The following CAMK2A variants were observed in gnomAD, a reference collection of about 807,000 sequenced individuals.
CAMK2A encodes the protein calcium/calmodulin-dependent protein kinase type II subunit alpha.
A neutral mutation model predicts 79.2 loss-of-function variants in CAMK2A; 7 were observed. The ratio of observed to expected loss-of-function variants is 0.09; its 90% CI spans 0.05 to 0.17. The LOEUF (loss-of-function observed/expected upper bound fraction) is 0.17. Among genes scored for constraint, CAMK2A ranks in the 10% least tolerant of loss-of-function variants. CAMK2A has a pLI of 1.00. For missense variants in CAMK2A, 214 were observed against 646.4 expected (o/e 0.33, Z 7.25); for synonymous variants, 242 against 251.7 (o/e 0.96, Z 0.36).
At chr5:150,247,862 G>C (rs1282646213) in intron 11 of CAMK2A, 48 bp from the exon 12 acceptor site, 1 of 1,516,164 alleles carries the variant, frequency 6.6e-7, no homozygotes, top group South Asian at 1.1e-5. Flanking sequence ...CGGAGTGAAG[G>C]GACCCAGGAG....
rs75000324 is a variant in CAMK2A at position 150,222,658 on chromosome 5, G to A, written c.*52C>T. On this transcript the variant is annotated 3_prime_UTR_variant, in exon 19 of 19. Transcript: ENST00000671881. ...GGGAGAACCAGCAGCTCCACTCCAC[G>A]GACAGAGTGGATCTCTGCGGCACAG... 20,766 of 1,587,014 alleles carry A rather than the reference G, an allele frequency of 0.013. 1,562 individuals are homozygous for A. The African/African-American group carries it at 0.19, about 15-fold the overall frequency.
chr5:150,276,562 C>T (rs1756954473), intron 1 of CAMK2A, among the ~76,000 whole-genome samples: 1 of 152,146 alleles, frequency 6.6e-6, no homozygotes, highest in Admixed American at 6.5e-5. Flanking sequence ...ACCCCAAAGA[C>T]CTTTAGGTCC....
chr5:150,246,836 C>G (rs1580917320), intron 12 of CAMK2A, among the ~76,000 whole-genome samples: 1 of 152,366 alleles, frequency 6.6e-6, no homozygotes, highest in East Asian at 1.9e-4. Flanking sequence ...CAGCTGCCCC[C>G]TTCTCAGAGC....
chr5:150,262,586 A>G (rs915019510), intron 3 of CAMK2A, among the ~76,000 whole-genome samples: 4 of 152,118 alleles, frequency 2.6e-5, no homozygotes, highest in African/African-American at 9.7e-5. Flanking sequence ...AGACCTTGGC[A>G]TGGGGTGGGT....
At chr5:150,244,856 C>T (rs1293585207) in intron 13 of CAMK2A, among the ~76,000 whole-genome samples, 1 of 152,174 alleles carries the variant, frequency 6.6e-6, no homozygotes, top group Non-Finnish European at 1.5e-5. Flanking sequence ...TCTCCAGCCT[C>T]GGAGAACCAC....
rs1204108644 is a variant in CAMK2A, at chr5:150,223,642, G to A, written c.1238-425C>T. ...AAATGACAACTGACCCTTTGCCTCT[G>A]GGTCAGGGAGGCGATAGGGAGTGAT... On this transcript the variant is annotated intron_variant, in intron 17 of 18. Coordinates refer to ENST00000671881, the MANE Select transcript of CAMK2A (RefSeq NM_015981.4). The surrounding 1 kb of genome is among the most constrained non-coding windows in gnomAD (Gnocchi z 4.1). 6.6e-6 allele frequency among the ~76,000 whole-genome samples: 1 copy of A among 152,152 alleles called. No individual in the cohort carries two copies. Among genetic ancestry groups the A allele is most frequent in the East Asian group, 1.9e-4 (1 of 5,192 alleles).
rs1755684481 is a variant in CAMK2A, at chr5:150,248,541, T to C, written c.901-727A>G. ...TGATGTTCCCCTTCCTGTGTCCAAGTGTTCTCATTGTTCAATTCCCATCCA... is the reference window on the plus strand; with the variant it reads ...TGATGTTCCCCTTCCTGTGTCCAAGCGTTCTCATTGTTCAATTCCCATCCA... On this transcript the variant is annotated intron_variant, in intron 11 of 18. Transcript: ENST00000671881. Among the ~76,000 whole-genome samples the C allele has an allele frequency of 3.0e-5, 4 of 134,934 alleles. No individual in the cohort carries two copies. The Admixed American group carries it at 3.4e-4, about 12-fold the overall frequency. The allele number at this position is 134,934 out of a possible 152,430, so 88.5% of individuals were successfully genotyped here.
At chr5:150,271,945 CAGG>C (rs1168945692) in intron 2 of CAMK2A, among the ~76,000 whole-genome samples, 14 of 152,300 alleles carry the variant, frequency 9.2e-5, no homozygotes, top group African/African-American at 3.1e-4. Context: ...GTCGCTGGCC[CAGG>C]ACCACTTCTA....
intron 1 of CAMK2A, among the ~76,000 whole-genome samples, chr5:150,287,564 A>G (rs189673657): frequency 6.6e-6 from 1 of 152,054 alleles, no homozygotes; most frequent in Non-Finnish European, 1.5e-5. Context: ...AATGATATCC[A>G]TCTCCTCTTG....
At chr5:150,239,834 C>T (rs1755260218) in intron 13 of CAMK2A, 98 bp from the exon 14 acceptor site, 1 of 1,015,518 alleles carries the variant, frequency 9.8e-7, no homozygotes, top group Admixed American at 1.7e-5. Context: ...GGAGGATGGG[C>T]CTCGGGGTCA....
In CAMK2A at chr5:150,257,913, A is replaced by G. The variant is rs534523208; in HGVS notation, c.218-296T>C. ...CCCTGTTTGGTTGCTGGGCAGGCCC[A>G]AGTCATGGAAAGCCTGTGACTCCAA... is the stretch of plus-strand genomic sequence containing the variant. On this transcript the variant is annotated intron_variant, in intron 3 of 18. Coordinates refer to ENST00000671881, the MANE Select transcript of CAMK2A (RefSeq NM_015981.4). 1.8e-4 allele frequency among the ~76,000 whole-genome samples: 27 copies of G among 152,350 alleles called. No homozygotes were observed. The South Asian group carries it at 4.4e-3, about 25-fold the overall frequency.
At chr5:150,239,626 T>C in intron 14 of CAMK2A, 78 bp downstream of exon 14, 1 of 1,392,594 alleles carries the variant, frequency 7.2e-7, no homozygotes, top group Non-Finnish European at 1.0e-6. Flanking sequence ...AGGTTCCCAG[T>C]GCAGCCTGCA....
chr5:150,227,295 CAG>C (rs1290702247), intron 17 of CAMK2A, among the ~76,000 whole-genome samples: 5 of 152,274 alleles, frequency 3.3e-5, no homozygotes, highest in Non-Finnish European at 4.4e-5. Context: ...TAGCACCCAG[CAG>C]AGTCTTTCCC....
chr5:150,257,338 AC>A (rs1756101818), intron 4 of CAMK2A, among the ~76,000 whole-genome samples: 1 of 152,246 alleles, frequency 6.6e-6, no homozygotes, highest in Non-Finnish European at 1.5e-5. Flanking sequence ...AACCAGCATC[AC>A]TGGCCACAAA....
At chr5:150,263,462 TCACACACTC>T (rs1756379226) in intron 3 of CAMK2A, among the ~76,000 whole-genome samples, 1 of 149,724 alleles carries the variant, frequency 6.7e-6, no homozygotes, top group Non-Finnish European at 1.5e-5. Context: ...ACACGTGCAT[TCACACACTC>T]CACACACTCT....
chr5:150,262,285 C>A (rs1756333491), intron 3 of CAMK2A, among the ~76,000 whole-genome samples: 2 of 152,206 alleles, frequency 1.3e-5, no homozygotes, highest in Non-Finnish European at 2.9e-5. Flanking sequence ...GCAGGCTGAA[C>A]AGGACTCAGT....
chr5:150,269,010 C>G (rs528474880), intron 2 of CAMK2A, among the ~76,000 whole-genome samples: 2 of 152,098 alleles, frequency 1.3e-5, no homozygotes, highest in East Asian at 3.9e-4. Flanking sequence ...AAGTGATCCT[C>G]CCACCTCCGC....
chr5:150,268,155 G>A (rs139030623), intron 2 of CAMK2A, among the ~76,000 whole-genome samples: 4 of 152,044 alleles, frequency 2.6e-5, no homozygotes, highest in Admixed American at 6.6e-5. Context: ...TGGGATTACC[G>A]TGCCCGGACC....
intron 2 of CAMK2A, among the ~76,000 whole-genome samples, chr5:150,270,228 G>A (rs1341528468): frequency 6.6e-6 from 1 of 152,158 alleles, no homozygotes; most frequent in Non-Finnish European, 1.5e-5. Flanking sequence ...AGGGGCTTGG[G>A]CCCCACCTAC....
Sources: allele counts gnomAD v4.1 joint callset (sites outside exome capture counted in the v4.1 genomes callset), GRCh38; gene constraint gnomAD v4.1.1; non-coding constraint Gnocchi (gnomAD v3.1); transcripts MANE v1.5; gene names NCBI Gene and HGNC (gene_info 2026-07-23, HGNC 2026-07-21).